The following ITIH5 variants were observed in gnomAD, a reference collection of about 807,000 sequenced individuals.
ITIH5 encodes the protein inter-alpha-trypsin inhibitor heavy chain H5.
ITIH5 carries 65 observed loss-of-function variants against 77.5 expected under a neutral mutation model. That is an observed-to-expected ratio of 0.84 (90% CI 0.69 to 1.03). The LOEUF (loss-of-function observed/expected upper bound fraction) is 1.03. Among genes scored for constraint, ITIH5 ranks in the 50% least tolerant of loss-of-function variants. The probability of loss-of-function intolerance (pLI) is 0.00; values close to 1 mark genes in which losing one functional copy is unlikely to be tolerated. For synonymous variants in ITIH5, 525 were observed against 494.3 expected (o/e 1.06, Z -0.82); for missense variants, 1,208 against 1,213.1 (o/e 1.00, Z 0.06).
rs533217468 is a variant in ITIH5 at position 7,560,185 on chromosome 10, G to A, written c.*2898C>T. On this transcript the variant is annotated 3_prime_UTR_variant, in exon 14 of 14. Transcript: ENST00000397146. ...TCTTATAAGGGCCTTAATCCCATTC[G>A]TGAGGGCTCTGCCCTCAAGACCCAA... 9.1e-5 allele frequency: 16 copies of A among 175,822 alleles called. No homozygotes were observed. The highest frequency in any genetic ancestry group is 2.2e-4 in the African/African-American group (9 of 41,780). 10.9% of individuals were successfully genotyped at this position (175,822 alleles called of 1,614,324 possible).
chr10:7,565,925 C>G, intron 13 of ITIH5, 105 bp downstream of exon 13: 3 of 1,456,564 alleles, frequency 2.1e-6, no homozygotes, highest in Non-Finnish European at 2.8e-6. Flanking sequence ...AACCACATTC[C>G]TATTGAATTT....
chr10:7,565,761 T>C (rs917912452), intron 13 of ITIH5, among the ~76,000 whole-genome samples: 1 of 145,338 alleles, frequency 6.9e-6, no homozygotes, highest in Admixed American at 6.9e-5. Flanking sequence ...GCAGTCTGCA[T>C]GTACACATAT....
At chr10:7,624,898 TAC>T (rs1564266731) in intron 5 of ITIH5, among the ~76,000 whole-genome samples, 4 of 35,118 alleles carry the variant, frequency 1.1e-4, no homozygotes, top group Middle Eastern at 0.013. Context: ...TGTATATATA[TAC>T]ATACATATAT....
chr10:7,649,382 T>C (rs537644647), intron 2 of ITIH5, among the ~76,000 whole-genome samples: 2 of 152,264 alleles, frequency 1.3e-5, no homozygotes, highest in East Asian at 3.9e-4. Context: ...ATAATAGTGC[T>C]TAACATGTTG....
At position 7,616,038 on chromosome 10, in the gene ITIH5, TC is replaced by T. The variant is rs764093990; in HGVS notation, c.882del (p.Asn295MetfsTer53). The T allele has an allele frequency of 3.3e-5, 54 of 1,613,662 alleles. No individual in the cohort carries two copies. The highest frequency in any genetic ancestry group is 4.6e-5 in the Non-Finnish European group (54 of 1,179,720). ...CTGCTGTCAAGCACGAATACCACAT[TC>T]TTGGGTAAAGGAGGAAGGTCTTTAG... is the stretch of plus-strand genomic sequence containing the variant. The part of the protein sequence containing the change: ...FAPKDLPPLP[K>X]NVVFVLDSSA... On this transcript the variant is annotated frameshift_variant, in exon 7 of 14. Coordinates refer to ENST00000397146, the MANE Select transcript of ITIH5 (RefSeq NM_030569.7). LOFTEE classifies it high-confidence loss of function.
chr10:7,590,169 A>T (rs1832764444), intron 7 of ITIH5, among the ~76,000 whole-genome samples: 1 of 151,446 alleles, frequency 6.6e-6, no homozygotes, highest in African/African-American at 2.4e-5. Flanking sequence ...ATCTTTTTAA[A>T]TCTCCCTCTC....
At chr10:7,655,595 G>T (rs377673146) in intron 2 of ITIH5, 36 bp downstream of exon 2, 2 of 1,541,972 alleles carry the variant, frequency 1.3e-6, no homozygotes, top group Non-Finnish European at 1.8e-6. Flanking sequence ...AAGAATGAGG[G>T]AATGGACTTT....
chr10:7,625,090 G>A (rs144248295), intron 5 of ITIH5, among the ~76,000 whole-genome samples: 27 of 151,710 alleles, frequency 1.8e-4, no homozygotes, highest in African/African-American at 6.0e-4. Context: ...TCTCTGGCAC[G>A]CAGGCAGAGC....
intron 7 of ITIH5, among the ~76,000 whole-genome samples, chr10:7,590,973 T>C (rs1359262599): frequency 6.6e-6 from 1 of 152,242 alleles, no homozygotes; most frequent in Non-Finnish European, 1.5e-5. Flanking sequence ...ATCCACTCAC[T>C]GCAACCTCCG....
Position 7,566,287 on chromosome 10 carries a change from T to C in ITIH5, c.2270A>G (p.Glu757Gly). The C allele has an allele frequency of 6.2e-7, 1 of 1,613,696 alleles. No individual in the cohort carries two copies. Among genetic ancestry groups the C allele is most frequent in the Non-Finnish European group, 8.5e-7 (1 of 1,179,864 alleles). Reference sequence around the variant, plus strand: ...CAAGATGACTCTGCTCGGTGTGATCTCGAGATAAGATCTCTCTGGCTTGTT... The same window carrying C: ...CAAGATGACTCTGCTCGGTGTGATCCCGAGATAAGATCTCTCTGGCTTGTT... ...LINKPERSYL[E>G]ITPSRVILDG... Residue 757 changes from glutamate to glycine, a missense_variant, in exon 13 of 14, where the codon GAG becomes GGG. Transcript: ENST00000397146.
At chr10:7,574,426 C>T (rs1283316555) in intron 10 of ITIH5, among the ~76,000 whole-genome samples, 1 of 151,310 alleles carries the variant, frequency 6.6e-6, no homozygotes, top group Non-Finnish European at 1.5e-5. Flanking sequence ...CACCAACTCT[C>T]AAAAAAATTA....
chr10:7,624,821 ATATGTG>A (rs1440096249), intron 5 of ITIH5, among the ~76,000 whole-genome samples: 2 of 138,276 alleles, frequency 1.4e-5, no homozygotes, highest in Non-Finnish European at 3.1e-5. Context: ...ATACACATAT[ATATGTG>A]TATATACATG....
chr10:7,599,401 A>G (rs548673307), intron 7 of ITIH5, among the ~76,000 whole-genome samples: 1 of 152,314 alleles, frequency 6.6e-6, no homozygotes, highest in African/African-American at 2.4e-5. Context: ...CTCTGTGTGT[A>G]ACTGGTGTCT....
chr10:7,636,380 G>A (rs1833798455), intron 5 of ITIH5, among the ~76,000 whole-genome samples: 1 of 152,002 alleles, frequency 6.6e-6, no homozygotes, highest in Non-Finnish European at 1.5e-5. Flanking sequence ...ACATATTGCT[G>A]AATGTTAAAA....
chr10:7,634,734 C>A (rs1284560006), intron 5 of ITIH5, among the ~76,000 whole-genome samples: 1 of 152,102 alleles, frequency 6.6e-6, no homozygotes, highest in East Asian at 1.9e-4. Context: ...ATTACTGCAA[C>A]AGGACTCCCC....
At chr10:7,637,714 GA>G (rs1262167256) in intron 4 of ITIH5, among the ~76,000 whole-genome samples, 2 of 152,172 alleles carry the variant, frequency 1.3e-5, no homozygotes, top group Non-Finnish European at 2.9e-5. Flanking sequence ...AGGATTCTAA[GA>G]ATACTGTCCT....
rs79468483 is a variant in ITIH5 at position 7,655,929 on chromosome 10, G to A, written c.91-254C>T. On this transcript the variant is annotated intron_variant, in intron 1 of 13. Coordinates refer to ENST00000397146, the MANE Select transcript of ITIH5 (RefSeq NM_030569.7). ...AATGTCACACTATCTCATCGCCTGAGCATTCTTCTATCTGTAAGAGGAGAT... is the reference window on the plus strand; with the variant it reads ...AATGTCACACTATCTCATCGCCTGAACATTCTTCTATCTGTAAGAGGAGAT... 5.6e-3 allele frequency among the ~76,000 whole-genome samples: 858 copies of A among 152,254 alleles called. 9 individuals are homozygous for A. Among genetic ancestry groups the A allele is most frequent in the African/African-American group, 0.02 (820 of 41,528 alleles).
intron 7 of ITIH5, among the ~76,000 whole-genome samples, chr10:7,596,502 CA>C (rs904380837): frequency 1.3e-5 from 2 of 152,158 alleles, no homozygotes; most frequent in African/African-American, 2.4e-5. Context: ...TCTTGTGCCA[CA>C]AACCCTAGGT....
chr10:7,610,373 C>T (rs560959577), intron 7 of ITIH5, among the ~76,000 whole-genome samples: 28 of 152,274 alleles, frequency 1.8e-4, no homozygotes, highest in Admixed American at 1.1e-3. Context: ...CCAATATACC[C>T]CTTACCGAGA....
Sources: allele counts gnomAD v4.1 joint callset (sites outside exome capture counted in the v4.1 genomes callset), GRCh38; gene constraint gnomAD v4.1.1; transcripts MANE v1.5; gene names NCBI Gene and HGNC (gene_info 2026-07-23, HGNC 2026-07-21).